The following PARD3 variants were observed in gnomAD, a reference collection of about 807,000 sequenced individuals.
The protein encoded by PARD3 is partitioning defective 3 homolog.
A neutral mutation model predicts 155.4 loss-of-function variants in PARD3; 75 were observed. That is an observed-to-expected ratio of 0.48 (90% confidence interval 0.40 to 0.58). The LOEUF is 0.58. PARD3 is among the 20% of genes least tolerant of loss of function. PARD3 has a pLI of 0.00. For synonymous variants in PARD3, 576 were observed against 610.5 expected (o/e 0.94, Z 0.83); for missense variants, 1,642 against 1,721.7 (o/e 0.95, Z 0.82).
chr10:34,121,150 C>T (rs558973070), intron 23 of PARD3, among the ~76,000 whole-genome samples: 10 of 152,238 alleles, frequency 6.6e-5, no homozygotes, highest in Non-Finnish European at 1.0e-4. Flanking sequence ...TGCTTCTCAC[C>T]GAAATCAGAT....
chr10:34,807,558 T>C (rs1843563133), intron 1 of PARD3, among the ~76,000 whole-genome samples: 1 of 152,162 alleles, frequency 6.6e-6, no homozygotes, highest in African/African-American at 2.4e-5. Flanking sequence ...CACTCTACTG[T>C]CTCTATAGAG....
chr10:34,207,809 C>G (rs537058335), intron 22 of PARD3, among the ~76,000 whole-genome samples: 3 of 152,236 alleles, frequency 2.0e-5, no homozygotes, highest in African/African-American at 7.2e-5. Flanking sequence ...TTTAAGGTGA[C>G]ACAATTTTCT....
rs147215267 is a variant in PARD3, at chr10:34,697,506, A to G, written c.121-1087T>C. Among the ~76,000 whole-genome samples the G allele has an allele frequency of 3.5e-4, 54 of 152,308 alleles. No homozygotes were observed. The East Asian group carries it at 7.5e-3, about 21-fold the overall frequency. On this transcript the variant is annotated intron_variant, in intron 1 of 24. Coordinates refer to ENST00000374788, the MANE Select transcript of PARD3 (RefSeq NM_001184785.2). ...GGTGCGGGGAGAATCCATATTATTA[A>G]GAAGCTCTCCAAGTCCATCTCTAAC...
At chr10:34,294,139 G>C (rs1956798507) in intron 20 of PARD3, among the ~76,000 whole-genome samples, 1 of 152,198 alleles carries the variant, frequency 6.6e-6, no homozygotes, top group South Asian at 2.1e-4. Context: ...GTTGCCATCT[G>C]CCTACTTAAT....
chr10:34,157,251 A>G (rs1266672503), intron 22 of PARD3, among the ~76,000 whole-genome samples: 1 of 152,212 alleles, frequency 6.6e-6, no homozygotes. Flanking sequence ...GCTGAGTCAG[A>G]TGCATCCACA....
At chr10:34,305,978 A>C (rs1202228628) in intron 20 of PARD3, among the ~76,000 whole-genome samples, 1 of 152,042 alleles carries the variant, frequency 6.6e-6, no homozygotes, top group African/African-American at 2.4e-5. Context: ...TCCTGTCTCT[A>C]AAAAAATTTT....
intron 2 of PARD3, among the ~76,000 whole-genome samples, chr10:34,654,660 C>T (rs2093115175): frequency 6.6e-6 from 1 of 152,168 alleles, no homozygotes; most frequent in Non-Finnish European, 1.5e-5. Context: ...ACCCATTTGC[C>T]CTGCAATCAC....
chr10:34,646,451 T>C (rs1267141769), intron 2 of PARD3, among the ~76,000 whole-genome samples: 2 of 152,184 alleles, frequency 1.3e-5, no homozygotes, highest in African/African-American at 2.4e-5. Context: ...GTTTAAATGA[T>C]AGCAATGCTA....
chr10:34,667,712 C>A (rs2093521098), intron 2 of PARD3, among the ~76,000 whole-genome samples: 1 of 152,096 alleles, frequency 6.6e-6, no homozygotes, highest in Non-Finnish European at 1.5e-5. Context: ...TAAGACCAGC[C>A]CCAAAATTGA....
chr10:34,178,610 G>A lies in PARD3; in HGVS notation c.3420-47027C>T, dbSNP rs527628467. ...GCTCCTCAAAATCTGCAATCACAAC[G>A]GAGAACAGACTGGTCCTGCCTCCAT... On this transcript the variant is annotated intron_variant, in intron 22 of 24. Coordinates refer to ENST00000374788, the MANE Select transcript of PARD3 (RefSeq NM_001184785.2). 1.2e-4 allele frequency among the ~76,000 whole-genome samples: 18 copies of A among 152,232 alleles called. No homozygotes were observed. The South Asian group carries it at 2.9e-3, about 25-fold the overall frequency.
chr10:34,391,482 A>G (rs781162924), intron 7 of PARD3, among the ~76,000 whole-genome samples: 6 of 152,216 alleles, frequency 3.9e-5, no homozygotes, highest in African/African-American at 7.2e-5. Flanking sequence ...GACAAACAAT[A>G]TAATTATAAT....
intron 2 of PARD3, among the ~76,000 whole-genome samples, chr10:34,591,174 A>G (rs557314243): frequency 6.6e-6 from 1 of 151,964 alleles, no homozygotes; most frequent in East Asian, 1.9e-4. Context: ...CACATCGTTC[A>G]TCCACCTCTG....
chr10:34,761,399 A>T (rs2134017765), intron 1 of PARD3, among the ~76,000 whole-genome samples: 1 of 152,336 alleles, frequency 6.6e-6, no homozygotes, highest in East Asian at 1.9e-4. Context: ...TAACACAGCG[A>T]GACTCTGTCA....
In PARD3 at chr10:34,253,111, C is replaced by T. The variant is rs116579093; in HGVS notation, c.3419+16546G>A. Reference sequence around the variant, plus strand: ...CTGTGGGAGTAGGTTTTAGATTTGTCTGTTACAAAGAGAGACTAATGGAAC... The same window carrying T: ...CTGTGGGAGTAGGTTTTAGATTTGTTTGTTACAAAGAGAGACTAATGGAAC... On this transcript the variant is annotated intron_variant, in intron 22 of 24. Coordinates refer to ENST00000374788, the MANE Select transcript of PARD3 (RefSeq NM_001184785.2). 5.6e-3 allele frequency among the ~76,000 whole-genome samples: 856 copies of T among 152,264 alleles called. 8 individuals are homozygous for T. The highest frequency in any genetic ancestry group is 0.019 in the African/African-American group (785 of 41,550).
At chr10:34,674,794 T>C (rs939804108) in intron 2 of PARD3, among the ~76,000 whole-genome samples, 2 of 152,112 alleles carry the variant, frequency 1.3e-5, no homozygotes, top group African/African-American at 2.4e-5. Context: ...GCCCTCACTC[T>C]TGAATTCTTT....
At chr10:34,641,798 T>C (rs2092687024) in intron 2 of PARD3, among the ~76,000 whole-genome samples, 1 of 152,086 alleles carries the variant, frequency 6.6e-6, no homozygotes, top group Non-Finnish European at 1.5e-5. Flanking sequence ...AACAGCTCAG[T>C]AGGTGGTGGC....
rs140967150 is a variant in PARD3, at chr10:34,392,565, G to T, written c.890+6765C>A. On this transcript the variant is annotated intron_variant, in intron 7 of 24. Coordinates refer to ENST00000374788, the MANE Select transcript of PARD3 (RefSeq NM_001184785.2). ...TTTCCCTCACCACCATCTTCACAGG[G>T]CCTGATTTTCTAACTGTGAAACTTT... Among the ~76,000 whole-genome samples, 453 of 152,206 alleles carry T rather than the reference G, an allele frequency of 3.0e-3. 2 individuals are homozygous for T. The highest frequency in any genetic ancestry group is 0.01 in the African/African-American group (429 of 41,530).
chr10:34,804,035 G>GTT (rs373473801), intron 1 of PARD3, among the ~76,000 whole-genome samples: 29 of 136,876 alleles, frequency 2.1e-4, no homozygotes, highest in African/African-American at 4.3e-4. Flanking sequence ...ATTTGTTTTT[G>GTT]TTTTTTTTTT....
chr10:34,511,055 T>G (rs947526838), intron 3 of PARD3, among the ~76,000 whole-genome samples: 1 of 152,342 alleles, frequency 6.6e-6, no homozygotes, highest in East Asian at 1.9e-4. Flanking sequence ...TTCTAATAAC[T>G]TATAAATTCC....
Sources: allele counts gnomAD v4.1 joint callset (sites outside exome capture counted in the v4.1 genomes callset), GRCh38; gene constraint gnomAD v4.1.1; transcripts MANE v1.5; gene names NCBI Gene and HGNC (gene_info 2026-07-23, HGNC 2026-07-21).